Variants in RANBP10 observed in about 807,000 individuals in gnomAD.
The protein encoded by RANBP10 is ran-binding protein 10.
RANBP10 carries 24 observed loss-of-function variants against 72.8 expected under a neutral mutation model. The observed-to-expected ratio is 0.33, with a 90% CI of 0.24 to 0.46. RANBP10 has a LOEUF of 0.46. Among genes scored for constraint, RANBP10 ranks in the 20% least tolerant of loss-of-function variants. The pLI is 1.00. For missense variants in RANBP10, 679 were observed against 817.5 expected (o/e 0.83, Z 2.07); for synonymous variants, 310 against 322.3 (o/e 0.96, Z 0.41).
intron 6 of RANBP10, 129 bp downstream of exon 6, chr16:67,734,729 C>T: frequency 2.0e-6 from 2 of 1,008,020 alleles, no homozygotes; most frequent in Non-Finnish European, 2.7e-6. Flanking sequence ...CTGAATGGCC[C>T]TGGGAATGCT....
chr16:67,784,912 TAA>T (rs541713321), intron 2 of RANBP10, among the ~76,000 whole-genome samples: 4 of 144,412 alleles, frequency 2.8e-5, no homozygotes, highest in African/African-American at 5.0e-5. Flanking sequence ...CAGTAGCACT[TAA>T]AAAAAAAAAA....
intron 3 of RANBP10, among the ~76,000 whole-genome samples, chr16:67,752,966 G>C (rs1350300478): frequency 1.3e-5 from 2 of 152,176 alleles, no homozygotes; most frequent in Admixed American, 6.6e-5. Flanking sequence ...TGGGCTGGGT[G>C]CAGTGGCTCA....
At chr16:67,727,196 G>A in intron 13 of RANBP10, 131 bp downstream of exon 13, 2 of 795,122 alleles carry the variant, frequency 2.5e-6, no homozygotes, top group East Asian at 2.8e-5. Context: ...AGGAGGCTGA[G>A]GCACGAAAAT....
At chr16:67,789,233 C>T (rs1018341829) in intron 2 of RANBP10, among the ~76,000 whole-genome samples, 1 of 147,858 alleles carries the variant, frequency 6.8e-6, no homozygotes. Context: ...TAGCTTGAAC[C>T]TGGGAGGTAG....
At chr16:67,772,656 G>T (rs1174264732) in intron 2 of RANBP10, among the ~76,000 whole-genome samples, 1 of 152,138 alleles carries the variant, frequency 6.6e-6, no homozygotes, top group East Asian at 1.9e-4. Context: ...TGGGAGTAAT[G>T]ATGTGTGAGG....
In RANBP10 at chr16:67,728,046, G is replaced by A. The variant is rs1228817874; in HGVS notation, c.1475-150C>T. On this transcript the variant is annotated intron_variant, in intron 11 of 13. Coordinates refer to ENST00000317506, the MANE Select transcript of RANBP10 (RefSeq NM_020850.3). ...AACAGGTGAGGCAGCTACAGTCAAGGCGTTCTTCTCTTCATTCACCTGGCG... is the reference window on the plus strand; with the variant it reads ...AACAGGTGAGGCAGCTACAGTCAAGACGTTCTTCTCTTCATTCACCTGGCG... The A allele has an allele frequency of 4.8e-6, 4 of 837,064 alleles. No individual in the cohort carries two copies. In the Admixed American group the frequency reaches 9.1e-5, roughly 19 times the overall value. 51.9% of individuals were successfully genotyped at this position (837,064 alleles called of 1,614,324 possible).
At chr16:67,781,862 G>A (rs191368317) in intron 2 of RANBP10, among the ~76,000 whole-genome samples, 144 of 152,256 alleles carry the variant, frequency 9.5e-4, no homozygotes, top group African/African-American at 3.0e-3. Flanking sequence ...AGAAGCAACC[G>A]CACCTGGAAG....
chr16:67,751,018 G>A (rs1032273777), intron 3 of RANBP10, among the ~76,000 whole-genome samples: 5 of 152,066 alleles, frequency 3.3e-5, no homozygotes, highest in East Asian at 1.9e-4. Flanking sequence ...TGCCCGCCTC[G>A]GCCTCCCAAA....
At chr16:67,774,453 C>T (rs2054660963) in intron 2 of RANBP10, among the ~76,000 whole-genome samples, 1 of 152,196 alleles carries the variant, frequency 6.6e-6, no homozygotes, top group Non-Finnish European at 1.5e-5. Context: ...CAGGAGACGC[C>T]TCTCCCTTCT....
chr16:67,755,116 A>G (rs2054263349), intron 3 of RANBP10, among the ~76,000 whole-genome samples: 1 of 152,054 alleles, frequency 6.6e-6, no homozygotes, highest in African/African-American at 2.4e-5. Flanking sequence ...ACCACCAAGC[A>G]CCATGCCTAG....
At position 67,727,766 on chromosome 16, in the gene RANBP10, G is replaced by A; in HGVS notation, c.1605C>T (p.His535=). ...CATCCTGTACCTGCAGCATCTCTGT[G>A]TGGGCCAAATTCTTGCCGTACTCCC... ...LGREYGKNLA[H]TEMLQDAFSL... Residue 535 remains histidine, a synonymous_variant, in exon 12 of 14, where the codon CAC becomes CAT. Transcript: ENST00000317506. The A allele has an allele frequency of 6.2e-7, 1 of 1,614,148 alleles. No individual in the cohort carries two copies. The highest frequency in any genetic ancestry group is 8.5e-7 in the Non-Finnish European group (1 of 1,180,028).
chr16:67,728,565 C>A, intron 10 of RANBP10, 54 bp from the exon 11 acceptor site: 1 of 1,612,116 alleles, frequency 6.2e-7, no homozygotes, highest in Admixed American at 1.7e-5. Flanking sequence ...TTGGAGCAGC[C>A]TGGTTGGGCC....
chr16:67,757,930 C>A (rs1172689184), intron 3 of RANBP10, among the ~76,000 whole-genome samples: 1 of 152,310 alleles, frequency 6.6e-6, no homozygotes, highest in African/African-American at 2.4e-5. Context: ...GAGAAAAAGG[C>A]TACCTCTACA....
At chr16:67,775,429 T>C (rs2054686093) in intron 2 of RANBP10, among the ~76,000 whole-genome samples, 1 of 152,184 alleles carries the variant, frequency 6.6e-6, no homozygotes, top group Non-Finnish European at 1.5e-5. Context: ...TTGGGAGTTC[T>C]AGATGATGCA....
At chr16:67,743,036 C>T (rs1382050576) in intron 4 of RANBP10, among the ~76,000 whole-genome samples, 1 of 152,206 alleles carries the variant, frequency 6.6e-6, no homozygotes, top group African/African-American at 2.4e-5. Flanking sequence ...GCTACCAAGG[C>T]TTTCCTGCCA....
intron 3 of RANBP10, among the ~76,000 whole-genome samples, chr16:67,757,149 G>A (rs1411960019): frequency 4.6e-5 from 7 of 152,134 alleles, no homozygotes; most frequent in Admixed American, 6.5e-5. Flanking sequence ...CAGAGGTTGC[G>A]GTGAGCCAAG....
chr16:67,805,592 G>C, intron 1 of RANBP10, 53 bp from the exon 2 acceptor site: 2 of 1,485,674 alleles, frequency 1.3e-6, no homozygotes, highest in Non-Finnish European at 1.9e-6. Context: ...GCAAATGGAA[G>C]CCTCATTTTT....
chr16:67,792,266 T>C (rs2055042254), intron 2 of RANBP10, among the ~76,000 whole-genome samples: 1 of 151,718 alleles, frequency 6.6e-6, no homozygotes, highest in Admixed American at 6.6e-5. Flanking sequence ...TCAAAAAATA[T>C]AGGCTAGACC....
chr16:67,783,322 T>C (rs1246914829), intron 2 of RANBP10, among the ~76,000 whole-genome samples: 1 of 152,128 alleles, frequency 6.6e-6, no homozygotes, highest in African/African-American at 2.4e-5. Context: ...CTCCCAGATA[T>C]GTACAAGGCC....
Sources: allele counts gnomAD v4.1 joint callset (sites outside exome capture counted in the v4.1 genomes callset), GRCh38; gene constraint gnomAD v4.1.1; transcripts MANE v1.5; gene names NCBI Gene and HGNC (gene_info 2026-07-23, HGNC 2026-07-21).